Variants in SLC12A6 observed in about 807,000 individuals in gnomAD.
SLC12A6 encodes solute carrier family 12 member 6.
A neutral mutation model predicts 135.3 loss-of-function variants in SLC12A6; 66 were observed. That is an observed-to-expected ratio of 0.49 (90% confidence interval 0.40 to 0.60). The LOEUF is 0.60. Among genes scored for constraint, SLC12A6 ranks in the 20% least tolerant of loss-of-function variants. The pLI is 0.00. For missense variants in SLC12A6, 1,058 were observed against 1,452.3 expected (o/e 0.73, Z 4.41); for synonymous variants, 513 against 508.8 (o/e 1.01, Z -0.11).
intron 3 of SLC12A6, among the ~76,000 whole-genome samples, chr15:34,261,332 T>G (rs1319106269): frequency 6.6e-6 from 1 of 152,204 alleles, no homozygotes; most frequent in East Asian, 1.9e-4. Flanking sequence ...GGAGCTGCTA[T>G]GCCGCCCAGG....
chr15:34,323,432 G>C (rs374271487), intron 2 of SLC12A6, among the ~76,000 whole-genome samples: 1 of 152,154 alleles, frequency 6.6e-6, no homozygotes, highest in African/African-American at 2.4e-5. Context: ...GCCTCCTGTC[G>C]GATCAGCGGC....
intron 2 of SLC12A6, among the ~76,000 whole-genome samples, chr15:34,286,059 C>T (rs1371312037): frequency 6.6e-6 from 1 of 151,070 alleles, no homozygotes; most frequent in Non-Finnish European, 1.5e-5. Flanking sequence ...TATTAAGATG[C>T]TAGGTTTTAT....
chr15:34,337,105 C>T (rs1890251175), intron 1 of SLC12A6: 2 of 305,536 alleles, frequency 6.5e-6, no homozygotes, highest in Non-Finnish European at 1.3e-5. Context: ...GAGTGTCCCA[C>T]GGTTCTAGTT....
rs1891465001 is a variant in SLC12A6 at position 34,239,071 on chromosome 15, G to A, written c.2526C>T (p.Leu842=). 1.9e-6 allele frequency: 3 copies of A among 1,614,088 alleles called. No individual in the cohort carries two copies. In the South Asian group the frequency reaches 3.3e-5, roughly 18 times the overall value. The stretch of plus-strand genomic sequence containing the variant: ...TGCCCCCAAGGCCACATGACTGGAT[G>A]AGGTGGGAAATGCCCTCTCTCAGCT... ...AAKLREGISH[L]IQSCGLGGMK... The change falls in exon 20 of 26, where the codon CTC becomes CTT. Residue 842 remains leucine, a synonymous_variant. Coordinates refer to ENST00000354181, the MANE Select transcript of SLC12A6 (RefSeq NM_001365088.1).
At chr15:34,286,198 C>T (rs1360828029) in intron 2 of SLC12A6, among the ~76,000 whole-genome samples, 7 of 151,802 alleles carry the variant, frequency 4.6e-5, no homozygotes, top group African/African-American at 7.3e-5. Context: ...CTCAGCCTCC[C>T]GAGTAGCTGT....
intron 2 of SLC12A6, among the ~76,000 whole-genome samples, chr15:34,297,483 A>T (rs1895952166): frequency 6.6e-6 from 1 of 152,248 alleles, no homozygotes; most frequent in Non-Finnish European, 1.5e-5. Flanking sequence ...TCCTATATTC[A>T]TAAAGAAACT....
At chr15:34,256,886 T>A (rs1037029744) in intron 6 of SLC12A6, among the ~76,000 whole-genome samples, 1 of 152,186 alleles carries the variant, frequency 6.6e-6, no homozygotes, top group Non-Finnish European at 1.5e-5. Context: ...AGATTAGCGT[T>A]GGTAGCTGAT....
chr15:34,288,270 T>C (rs76938155), intron 2 of SLC12A6, among the ~76,000 whole-genome samples: 5 of 152,192 alleles, frequency 3.3e-5, no homozygotes, highest in African/African-American at 1.2e-4. Flanking sequence ...TTTTGTCAGG[T>C]TTGTCAAAGA....
intron 6 of SLC12A6, 124 bp from the exon 7 acceptor site, chr15:34,256,407 A>ATAG (rs1352632063): frequency 7.0e-6 from 5 of 714,494 alleles, no homozygotes; most frequent in Non-Finnish European, 1.3e-5. Flanking sequence ...ATGGACAGTC[A>ATAG]TACCTAATGG....
chr15:34,233,106 G>A lies in SLC12A6; in HGVS notation c.*775C>T, dbSNP rs976737295. 6.6e-6 allele frequency: 1 copy of A among 152,174 alleles called. No individual in the cohort carries two copies. Among genetic ancestry groups the A allele is most frequent in the African/African-American group, 2.4e-5 (1 of 41,400 alleles). The allele number at this position is 152,174 out of a possible 1,614,324, so 9.4% of individuals were successfully genotyped here. On this transcript the variant is annotated 3_prime_UTR_variant, in exon 26 of 26. Coordinates refer to ENST00000354181, the MANE Select transcript of SLC12A6 (RefSeq NM_001365088.1). ...TAAATGTTAATAGCTTCCTTTTGGA[G>A]TTCTCTTAGTTCGGCCATTTGAAAG...
rs1047630827 is a variant in SLC12A6 at position 34,231,147 on chromosome 15, G to C, written c.*2734C>G. ...GCGGGCGGATCACCTGAGGTTGGGA[G>C]TTCGAGACCAGCCTGACCAACATCA... On this transcript the variant is annotated 3_prime_UTR_variant, in exon 26 of 26. Coordinates refer to ENST00000354181, the MANE Select transcript of SLC12A6 (RefSeq NM_001365088.1). 2.6e-5 allele frequency: 4 copies of C among 152,220 alleles called. No homozygotes were observed. Among genetic ancestry groups the C allele is most frequent in the Non-Finnish European group, 5.9e-5 (4 of 68,116 alleles). The allele number at this position is 152,220 out of a possible 1,614,324, so 9.4% of individuals were successfully genotyped here.
Position 34,239,008 on chromosome 15 carries a change from GC to G in SLC12A6, c.2588del (p.Gly863AlafsTer20). On this transcript the variant is annotated frameshift_variant, in exon 20 of 26. Coordinates refer to ENST00000354181, the MANE Select transcript of SLC12A6 (RefSeq NM_001365088.1). LOFTEE classifies it high-confidence loss of function. ...CGCGGGCATCTTCGCTTTGACGCCA[GC>G]CATTAGGCCAGCCCATCACCACCGT... Reference protein sequence around the residue: ...HNTVVMGWPNGWRQSEDARAW... With the variant: ...HNTVVMGWPNXWRQSEDARAW... The G allele has an allele frequency of 6.2e-7, 1 of 1,614,234 alleles. No individual in the cohort carries two copies.
intron 13 of SLC12A6, among the ~76,000 whole-genome samples, chr15:34,248,906 G>A (rs1892191733): frequency 6.6e-6 from 1 of 152,086 alleles, no homozygotes; most frequent in Non-Finnish European, 1.5e-5. Context: ...CTAAGCAAAG[G>A]AAATAACACA....
intron 2 of SLC12A6, among the ~76,000 whole-genome samples, chr15:34,319,777 C>T (rs1003027075): frequency 4.7e-4 from 70 of 147,864 alleles, no homozygotes; most frequent in African/African-American, 1.3e-3. Flanking sequence ...CCAGCCTGAG[C>T]GACAGAGCGA....
Position 34,254,533 on chromosome 15 carries a change from T to C in SLC12A6, c.933A>G (p.Ser311=). 6.2e-7 allele frequency: 1 copy of C among 1,611,390 alleles called. No homozygotes were observed. Among genetic ancestry groups the C allele is most frequent in the South Asian group, 1.1e-5 (1 of 91,040 alleles). Reference sequence around the variant, plus strand: ...CACGCATGTTATTTAGCATGGCTGCTGATTCCTTGAGTGCGTCATCACTGT... The same window carrying C: ...CACGCATGTTATTTAGCATGGCTGCCGATTCCTTGAGTGCGTCATCACTGT... ...IFHSDDALKE[S]AAMLNNMRVY... Residue 311 remains serine (S), a synonymous_variant, in exon 9 of 26, where the codon TCA becomes TCG. Transcript: ENST00000354181.
Position 34,260,922 on chromosome 15 carries a change from T to C in SLC12A6, c.411+4A>G. 8.4e-7 allele frequency: 1 copy of C among 1,189,388 alleles called. No individual in the cohort carries two copies. Among genetic ancestry groups the C allele is most frequent in the Non-Finnish European group, 1.3e-6 (1 of 792,408 alleles). The allele number at this position is 1,189,388 out of a possible 1,614,324, so 73.7% of individuals were successfully genotyped here. On this transcript the variant is annotated splice_donor_region_variant and intron_variant, in intron 4 of 25. Coordinates refer to ENST00000354181, the MANE Select transcript of SLC12A6 (RefSeq NM_001365088.1). Reference sequence around the variant, plus strand: ...TCAGTCCATAGTTTTCTCCAAAATATTACCTCAAAGAGTGCCAAATTTTTA... The same window carrying C: ...TCAGTCCATAGTTTTCTCCAAAATACTACCTCAAAGAGTGCCAAATTTTTA...
In SLC12A6 at chr15:34,233,791, T is replaced by C; in HGVS notation, c.*90A>G. ...ATGTGTACAGAACACAGGCTTCTAG[T>C]TGAGTGGGAGTGGTAGTAATGAGCT... On this transcript the variant is annotated 3_prime_UTR_variant, in exon 26 of 26. Transcript: ENST00000354181. The C allele has an allele frequency of 9.2e-6, 7 of 762,316 alleles. No homozygotes were observed. Among genetic ancestry groups the C allele is most frequent in the Non-Finnish European group, 1.7e-5 (7 of 413,168 alleles). 47.2% of individuals were successfully genotyped at this position (762,316 alleles called of 1,614,324 possible). A position where few individuals can be genotyped will look rare whatever the true frequency, so the allele number is the denominator to read the frequency against.
intron 2 of SLC12A6, among the ~76,000 whole-genome samples, chr15:34,291,687 A>AAG (rs1378080913): frequency 6.6e-6 from 1 of 151,350 alleles, no homozygotes; most frequent in East Asian, 1.9e-4. Flanking sequence ...ATTTCTTTTC[A>AAG]CTTTTTTTTC....
intron 9 of SLC12A6, among the ~76,000 whole-genome samples, chr15:34,252,922 G>C (rs1231535162): frequency 6.6e-6 from 1 of 152,084 alleles, no homozygotes; most frequent in Non-Finnish European, 1.5e-5. Flanking sequence ...GAATCTTCTG[G>C]CTACTGTTGC....
Sources: allele counts gnomAD v4.1 joint callset (sites outside exome capture counted in the v4.1 genomes callset), GRCh38; gene constraint gnomAD v4.1.1; transcripts MANE v1.5; gene names NCBI Gene and HGNC (gene_info 2026-07-23, HGNC 2026-07-21).